SLC25A26: variants seen among roughly 807,000 people sequenced by gnomAD.
SLC25A26 encodes solute carrier family 25 member 26.
Under a neutral mutation model 37.8 loss-of-function variants are expected in SLC25A26, and 36 were observed. That is an observed-to-expected ratio of 0.95 (90% CI 0.73 to 1.26). The LOEUF (loss-of-function observed/expected upper bound fraction) is 1.26. Among genes scored for constraint, SLC25A26 ranks in the 50% most tolerant of loss-of-function variants. The pLI is 0.00. For synonymous variants in SLC25A26, 129 were observed against 122.5 expected, an observed-to-expected ratio of 1.05 and a Z score of -0.35; for missense variants, 390 against 331.1, an observed-to-expected ratio of 1.18 and a Z score of -1.38.
chr3:66,372,136 A>G (rs572806109), intron 9 of SLC25A26, among the ~76,000 whole-genome samples: 24 of 152,278 alleles, frequency 1.6e-4, no homozygotes, highest in Non-Finnish European at 2.6e-4. Flanking sequence ...TCAAATAGCA[A>G]TTGGGCTACA....
chr3:66,225,867 A>G (rs373876080), intron 1 of SLC25A26, among the ~76,000 whole-genome samples: 39 of 152,210 alleles, frequency 2.6e-4, no homozygotes, highest in African/African-American at 8.2e-4. Flanking sequence ...AGTTACCAAG[A>G]AGTTCCTCAT....
At chr3:66,276,172 T>G (rs1009278051) in intron 5 of SLC25A26, among the ~76,000 whole-genome samples, 4 of 152,166 alleles carry the variant, frequency 2.6e-5, no homozygotes, top group Non-Finnish European at 5.9e-5. Context: ...TAATTATGAT[T>G]GTTAACTTTA....
intron 5 of SLC25A26, among the ~76,000 whole-genome samples, chr3:66,284,595 C>T (rs546507454): frequency 3.3e-5 from 5 of 151,848 alleles, no homozygotes; most frequent in African/African-American, 1.2e-4. Context: ...AAAAAATAAA[C>T]TATGATATGT....
In SLC25A26 at chr3:66,321,342, T is replaced by C. The variant is rs75308645; in HGVS notation, c.454-25022T>C. Among the ~76,000 whole-genome samples the C allele has an allele frequency of 4.6e-3, 695 of 152,332 alleles. 2 individuals are homozygous for C. Among genetic ancestry groups the C allele is most frequent in the Non-Finnish European group, 7.6e-3 (518 of 68,022 alleles). ...TCTTTTATAGCATGATGAGAATCTA[T>C]GCATCTTGGCTCAGTTGCAGTGTTA... On this transcript the variant is annotated intron_variant, in intron 5 of 9. Coordinates refer to ENST00000354883, the MANE Select transcript of SLC25A26 (RefSeq NM_001379210.1).
intron 1 of SLC25A26, among the ~76,000 whole-genome samples, chr3:66,153,250 A>G (rs980598208): frequency 6.6e-6 from 1 of 152,208 alleles, no homozygotes; most frequent in African/African-American, 2.4e-5. Context: ...TCCCCTACAC[A>G]AAGAATCACT....
intron 5 of SLC25A26, among the ~76,000 whole-genome samples, chr3:66,273,844 A>C (rs576840300): frequency 0.012 from 1,786 of 152,284 alleles, 43 homozygotes; most frequent in African/African-American, 0.041. Context: ...TTTTAGATTC[A>C]ATGCCATCCC....
intron 5 of SLC25A26, among the ~76,000 whole-genome samples, chr3:66,327,063 C>G (rs942812386): frequency 7.9e-5 from 12 of 152,146 alleles, no homozygotes; most frequent in Non-Finnish European, 1.8e-4. Context: ...TTCACACTAC[C>G]CCCCTAAAAT....
chr3:66,257,911 T>C (rs2073368434), intron 3 of SLC25A26, among the ~76,000 whole-genome samples: 1 of 152,190 alleles, frequency 6.6e-6, no homozygotes, highest in Admixed American at 6.5e-5. Context: ...TGTGCGCTGC[T>C]CGAGACTCTT....
intron 1 of SLC25A26, among the ~76,000 whole-genome samples, chr3:66,160,688 A>T (rs1436311358): frequency 2.6e-5 from 4 of 152,170 alleles, no homozygotes; most frequent in African/African-American, 9.7e-5. Flanking sequence ...TAATCCCAGC[A>T]CTTTGGGAGG....
intron 6 of SLC25A26, among the ~76,000 whole-genome samples, chr3:66,354,684 G>C (rs2076535800): frequency 6.6e-6 from 1 of 152,166 alleles, no homozygotes; most frequent in Non-Finnish European, 1.5e-5. Flanking sequence ...CTCAGGGTCT[G>C]CAGTTATACC....
intron 1 of SLC25A26, among the ~76,000 whole-genome samples, chr3:66,180,713 CG>C (rs1653237844): frequency 1.4e-5 from 2 of 146,312 alleles, no homozygotes; most frequent in African/African-American, 2.5e-5. Context: ...TCACTGGGGG[CG>C]GGGTGGGGGA....
intron 5 of SLC25A26, among the ~76,000 whole-genome samples, chr3:66,289,481 T>C (rs963848052): frequency 2.6e-5 from 4 of 152,260 alleles, no homozygotes; most frequent in African/African-American, 9.6e-5. Context: ...CTTTAACCCA[T>C]CTTGAGTTAA....
chr3:66,298,953 T>A (rs1247313456), intron 5 of SLC25A26, among the ~76,000 whole-genome samples: 1 of 152,172 alleles, frequency 6.6e-6, no homozygotes, highest in East Asian at 1.9e-4. Flanking sequence ...AGGGAAAAAT[T>A]TTAACATAAA....
intron 1 of SLC25A26, among the ~76,000 whole-genome samples, chr3:66,233,255 TC>T (rs2072118099): frequency 6.6e-6 from 1 of 152,230 alleles, no homozygotes; most frequent in South Asian, 2.1e-4. Flanking sequence ...ATTGGGCACT[TC>T]CTCTCTACAG....
rs1195959662 is a variant in SLC25A26 at position 66,356,516 on chromosome 3, A to C, written c.499-6344A>C. 2.0e-5 allele frequency among the ~76,000 whole-genome samples: 3 copies of C among 152,228 alleles called. 1 individual carries two copies. In the South Asian group the frequency reaches 6.2e-4, roughly 32 times the overall value. On this transcript the variant is annotated intron_variant, in intron 6 of 9. Transcript: ENST00000354883. ...AATTGCTTACTTTTAAACAATAGTT[A>C]TTATGGTGAAACTCAACTAGGGTCT...
intron 1 of SLC25A26, among the ~76,000 whole-genome samples, chr3:66,232,935 G>A (rs905027894): frequency 6.6e-6 from 1 of 152,228 alleles, no homozygotes. Flanking sequence ...GAAAGCAGAG[G>A]TGGCAGTTCT....
chr3:66,222,453 C>T (rs988776411), intron 1 of SLC25A26, among the ~76,000 whole-genome samples: 11 of 152,156 alleles, frequency 7.2e-5, no homozygotes, highest in Non-Finnish European at 1.3e-4. Flanking sequence ...AGTGCTGGGA[C>T]TACAGGCGTG....
At chr3:66,264,097 C>G (rs759649740) in intron 5 of SLC25A26, among the ~76,000 whole-genome samples, 1 of 152,018 alleles carries the variant, frequency 6.6e-6, no homozygotes, top group African/African-American at 2.4e-5. Context: ...GCCAACATGA[C>G]GAAACCTCGT....
intron 9 of SLC25A26, among the ~76,000 whole-genome samples, chr3:66,376,532 A>T (rs1184841142): frequency 6.6e-6 from 1 of 152,226 alleles, no homozygotes; most frequent in Non-Finnish European, 1.5e-5. Context: ...GATGCTCATG[A>T]GCATTTTTTA....
Sources: gnomAD v4.1 joint callset for allele counts (sites outside exome capture counted in the v4.1 genomes callset) on GRCh38, gnomAD v4.1.1 for gene constraint, MANE v1.5 for transcripts, NCBI Gene and HGNC (gene_info 2026-07-23, HGNC 2026-07-21) for gene names.